Variants in ANKRD27 observed in about 807,000 individuals in gnomAD.
The protein encoded by ANKRD27 is ankyrin repeat domain-containing protein 27.
In ANKRD27, 112 loss-of-function variants were observed where a neutral mutation model predicts 129.7. The observed-to-expected ratio is 0.86, with a 90% CI of 0.74 to 1.01. The LOEUF is 1.01. Ranked by LOEUF, ANKRD27 falls within the 50% of genes least tolerant of loss-of-function variation. ANKRD27 has a pLI of 0.00. For missense variants in ANKRD27, 1,258 were observed against 1,300.5 expected (o/e 0.97, Z 0.50); for synonymous variants, 516 against 511.2 (o/e 1.01, Z -0.13).
At chr19:32,626,064 C>A in intron 16 of ANKRD27, 98 bp from the exon 17 acceptor site, 1 of 856,730 alleles carries the variant, frequency 1.2e-6, no homozygotes, top group Non-Finnish European at 1.7e-6. Context: ...CTCCCATCTT[C>A]GATCTTATTT....
At chr19:32,609,527 C>T (rs987080565) in intron 22 of ANKRD27, among the ~76,000 whole-genome samples, 1 of 152,118 alleles carries the variant, frequency 6.6e-6, no homozygotes, top group African/African-American at 2.4e-5. Flanking sequence ...CAAAAATATC[C>T]TGAGTCAAAG....
In ANKRD27 at chr19:32,643,184, T is replaced by C; in HGVS notation, c.721A>G (p.Lys241Glu). ...MEASEDAAFN[K>E]ITRSLQDLQQ... ...AGATCTTGAAGGCTTCTTGTGATTT[T>C]GTTAAAGGCCGCATCCTAACAACAG... The change falls in exon 9 of 29, where the codon AAA becomes GAA. Residue 241 changes from lysine to glutamate, a missense_variant. Coordinates refer to ENST00000306065, the MANE Select transcript of ANKRD27 (RefSeq NM_032139.3). 1 of 1,614,112 alleles carries C rather than the reference T, an allele frequency of 6.2e-7. No individual in the cohort carries two copies. Among genetic ancestry groups the C allele is most frequent in the Non-Finnish European group, 8.5e-7 (1 of 1,180,030 alleles).
chr19:32,627,353 T>C (rs947325847), intron 15 of ANKRD27, among the ~76,000 whole-genome samples: 4 of 149,284 alleles, frequency 2.7e-5, no homozygotes, highest in Non-Finnish European at 5.9e-5. Flanking sequence ...ATCTTGAATG[T>C]GCACTTTATT....
intron 18 of ANKRD27, 93 bp downstream of exon 18, chr19:32,622,329 T>A: frequency 1.5e-6 from 2 of 1,368,644 alleles, no homozygotes; most frequent in Non-Finnish European, 2.1e-6. Flanking sequence ...CCTCAGGCAA[T>A]AATGCACAAT....
intron 14 of ANKRD27, 26 bp from the exon 15 acceptor site, chr19:32,628,191 C>A: frequency 1.9e-6 from 3 of 1,599,618 alleles, no homozygotes; most frequent in Middle Eastern, 1.7e-4. Context: ...AGATAGAAAA[C>A]TACACAGGGG....
chr19:32,621,352 C>G (rs761608717), intron 18 of ANKRD27, among the ~76,000 whole-genome samples: 1 of 152,072 alleles, frequency 6.6e-6, no homozygotes, highest in Non-Finnish European at 1.5e-5. Context: ...TGGGGCTGGG[C>G]GCAATAACTC....
At chr19:32,674,000 A>T (rs259288) in intron 1 of ANKRD27, among the ~76,000 whole-genome samples, 79,542 of 147,238 alleles carry the variant, frequency 0.54, 22,565 homozygotes, top group Non-Finnish European at 0.65. Flanking sequence ...AAAAAAAAAA[A>T]TTAAAAATTA....
At chr19:32,639,609 C>G (rs533635881) in intron 11 of ANKRD27, 121 bp from the exon 12 acceptor site, 3 of 988,702 alleles carry the variant, frequency 3.0e-6, no homozygotes, top group African/African-American at 3.2e-5. Flanking sequence ...CAGGAAGCTA[C>G]GACCACCATC....
At chr19:32,648,757 G>A (rs141884541) in intron 3 of ANKRD27, among the ~76,000 whole-genome samples, 5 of 149,096 alleles carry the variant, frequency 3.4e-5, no homozygotes, top group African/African-American at 5.0e-5. Flanking sequence ...CTGTGATAGC[G>A]CCACTGCACT....
intron 1 of ANKRD27, among the ~76,000 whole-genome samples, chr19:32,661,689 G>A (rs1182091692): frequency 6.6e-6 from 1 of 152,034 alleles, no homozygotes; most frequent in Non-Finnish European, 1.5e-5. Context: ...ATACTTGGGG[G>A]ATTGGTTCTG....
chr19:32,604,512 A>G, intron 24 of ANKRD27, 88 bp from the exon 25 acceptor site: 1 of 1,294,712 alleles, frequency 7.7e-7, no homozygotes, highest in Non-Finnish European at 1.0e-6. Flanking sequence ...TCGCTATAAA[A>G]CACATTGTTT....
chr19:32,600,116 A>G (rs1971629954), intron 26 of ANKRD27, 66 bp from the exon 27 acceptor site: 16 of 1,173,444 alleles, frequency 1.4e-5, no homozygotes, highest in Non-Finnish European at 1.6e-5. Context: ...TTAAAATTAC[A>G]GCACAGACAC....
chr19:32,614,006 G>A (rs534853133), intron 22 of ANKRD27, among the ~76,000 whole-genome samples: 5 of 152,178 alleles, frequency 3.3e-5, no homozygotes, highest in Admixed American at 6.6e-5. Flanking sequence ...CTTATGTAAC[G>A]TTTTTGAAGT....
chr19:32,630,243 T>C (rs958021958), intron 13 of ANKRD27, among the ~76,000 whole-genome samples: 2 of 152,210 alleles, frequency 1.3e-5, no homozygotes, highest in Non-Finnish European at 2.9e-5. Context: ...GACGTGCTCA[T>C]TCCCCAGGAC....
chr19:32,671,417 G>A (rs1322119738), intron 1 of ANKRD27, among the ~76,000 whole-genome samples: 2 of 152,162 alleles, frequency 1.3e-5, no homozygotes, highest in African/African-American at 4.8e-5. Flanking sequence ...TAGTTTGCTG[G>A]CTGGGCACAG....
chr19:32,599,610 A>G (rs1009107695), intron 28 of ANKRD27, 94 bp downstream of exon 28: 2 of 1,112,378 alleles, frequency 1.8e-6, no homozygotes, highest in African/African-American at 1.6e-5. Context: ...GGAATAATGA[A>G]GATGACGATC....
Position 32,599,625 on chromosome 19 carries a change from A to G in ANKRD27, c.2919+79T>C, listed in dbSNP as rs865838734. 8 of 1,256,106 alleles carry G rather than the reference A, an allele frequency of 6.4e-6. No individual in the cohort carries two copies. In the Admixed American group the frequency reaches 1.6e-4, roughly 26 times the overall value. The allele number at this position is 1,256,106 out of a possible 1,614,324, so 77.8% of individuals were successfully genotyped here. On this transcript the variant is annotated intron_variant, in intron 28 of 28. Transcript: ENST00000306065. The stretch of plus-strand genomic sequence containing the variant: ...GGAATAATGAAGATGACGATCAAGG[A>G]GACGTGTTTACCATGGATTACTTTT...
At chr19:32,616,621 C>T (rs182581247) in intron 21 of ANKRD27, among the ~76,000 whole-genome samples, 1 of 152,020 alleles carries the variant, frequency 6.6e-6, no homozygotes, top group African/African-American at 2.4e-5. Flanking sequence ...GGAACCTGTC[C>T]GTCAGAATCT....
rs1568404988 is a variant in ANKRD27 at position 32,626,817 on chromosome 19, G to A, written c.1431C>T (p.Ser477=). 1 of 1,609,276 alleles carries A rather than the reference G, an allele frequency of 6.2e-7. No homozygotes were observed. Among genetic ancestry groups the A allele is most frequent in the African/African-American group, 1.3e-5 (1 of 74,932 alleles). ...CCTTGGAAACCAGGAGGTCGATGAG[G>A]GATGCCTGCCCTGCAGAGCAGAAGG... The part of the protein sequence containing the change: ...LHVAAVCGQA[S]LIDLLVSKGA... The change falls in exon 16 of 29, where the codon TCC becomes TCT. Residue 477 remains serine (S), a synonymous_variant. Transcript: ENST00000306065.
Sources: allele counts gnomAD v4.1 joint callset (sites outside exome capture counted in the v4.1 genomes callset), GRCh38; gene constraint gnomAD v4.1.1; transcripts MANE v1.5; gene names NCBI Gene and HGNC (gene_info 2026-07-23, HGNC 2026-07-21).